Variants in CDC42BPA observed in about 807,000 individuals in gnomAD.
CDC42BPA encodes CDC42 binding protein kinase alpha, also known as serine/threonine-protein kinase MRCK alpha.
A neutral mutation model predicts 223.5 loss-of-function variants in CDC42BPA; 80 were observed. The ratio of observed to expected loss-of-function variants is 0.36; its 90% CI spans 0.30 to 0.43. CDC42BPA has a LOEUF of 0.43. Among genes scored for constraint, CDC42BPA ranks in the 20% least tolerant of loss-of-function variants. The pLI, the probability that CDC42BPA is intolerant of heterozygous loss-of-function variation, is 1.00. For missense variants in CDC42BPA, 1,743 were observed against 2,099.9 expected, an observed-to-expected ratio of 0.83 and a Z score of 3.32; for synonymous variants, 694 against 718.6, an observed-to-expected ratio of 0.97 and a Z score of 0.55.
intron 2 of CDC42BPA, among the ~76,000 whole-genome samples, chr1:227,248,532 A>C (rs1312489974): frequency 6.6e-6 from 1 of 152,244 alleles, no homozygotes; most frequent in African/African-American, 2.4e-5. Context: ...AAATAAAATT[A>C]AATACCTAGG....
chr1:227,075,209 A>G (rs1333455186), intron 17 of CDC42BPA, among the ~76,000 whole-genome samples: 2 of 152,208 alleles, frequency 1.3e-5, no homozygotes, highest in African/African-American at 4.8e-5. Flanking sequence ...TGTATTCTAA[A>G]CACACTTTGG....
At chr1:227,030,347 A>C in intron 29 of CDC42BPA, 61 bp downstream of exon 29, 1 of 944,662 alleles carries the variant, frequency 1.1e-6, no homozygotes, top group Non-Finnish European at 1.6e-6. Context: ...TTTAGAATCT[A>C]CAGTTTAAAT....
At chr1:227,058,601 A>G (rs1675089561) in intron 21 of CDC42BPA, among the ~76,000 whole-genome samples, 1 of 152,056 alleles carries the variant, frequency 6.6e-6, no homozygotes, top group South Asian at 2.1e-4. Context: ...TGTGTTTATG[A>G]CTAGTGTTGG....
chr1:227,051,859 C>G (rs993699782), intron 22 of CDC42BPA, 22 bp downstream of exon 22: 1 of 1,302,672 alleles, frequency 7.7e-7, no homozygotes, highest in South Asian at 1.2e-5. Flanking sequence ...AGTTGGGGAG[C>G]AGGGATGCTC....
chr1:227,001,774 GCACC>G (rs1365459367), intron 35 of CDC42BPA, among the ~76,000 whole-genome samples: 1 of 152,092 alleles, frequency 6.6e-6, no homozygotes, highest in Non-Finnish European at 1.5e-5. Flanking sequence ...GGGTGTGATG[GCACC>G]CACCTGTAGT....
At chr1:227,100,358 T>C (rs566621700) in intron 15 of CDC42BPA, among the ~76,000 whole-genome samples, 6 of 152,302 alleles carry the variant, frequency 3.9e-5, no homozygotes, top group South Asian at 4.1e-4. Flanking sequence ...CTTTCTTCAA[T>C]GGCCTGAGGA....
intron 15 of CDC42BPA, among the ~76,000 whole-genome samples, chr1:227,098,170 A>T (rs1258498421): frequency 6.6e-6 from 1 of 152,154 alleles, no homozygotes; most frequent in Non-Finnish European, 1.5e-5. Flanking sequence ...GCCTGTTATT[A>T]TGCTGTCATT....
At chr1:227,041,734 T>C (rs867063405) in intron 23 of CDC42BPA, among the ~76,000 whole-genome samples, 9 of 152,122 alleles carry the variant, frequency 5.9e-5, no homozygotes, top group Non-Finnish European at 8.8e-5. Context: ...CCTCAAAGCA[T>C]TGTGTTCTAG....
intron 2 of CDC42BPA, among the ~76,000 whole-genome samples, chr1:227,226,232 T>C (rs1048400809): frequency 3.3e-5 from 5 of 152,234 alleles, no homozygotes; most frequent in African/African-American, 7.2e-5. Flanking sequence ...GCTGGATACA[T>C]ATACTTGGAG....
At chr1:227,228,953 T>C (rs1047994360) in intron 2 of CDC42BPA, among the ~76,000 whole-genome samples, 1 of 152,198 alleles carries the variant, frequency 6.6e-6, no homozygotes, top group Non-Finnish European at 1.5e-5. Flanking sequence ...GCAAATATTT[T>C]CTCCCACCCT....
intron 2 of CDC42BPA, among the ~76,000 whole-genome samples, chr1:227,238,200 T>A (rs200281134): frequency 3.4e-5 from 5 of 148,122 alleles, no homozygotes; most frequent in Non-Finnish European, 4.5e-5. Context: ...TTTTTTTTTT[T>A]AATTTTTAAT....
At chr1:227,281,147 G>A (rs1687951822) in intron 1 of CDC42BPA, among the ~76,000 whole-genome samples, 2 of 152,178 alleles carry the variant, frequency 1.3e-5, no homozygotes, top group South Asian at 2.1e-4. Flanking sequence ...TCTAGGCCAA[G>A]CCAAACTGAG....
chr1:227,052,819 T>C (rs1374715346), intron 21 of CDC42BPA, among the ~76,000 whole-genome samples: 1 of 152,120 alleles, frequency 6.6e-6, no homozygotes, highest in Non-Finnish European at 1.5e-5. Flanking sequence ...GTTCTTACTA[T>C]GGCTATATTT....
At chr1:227,104,173 TA>T (rs1453448891) in intron 14 of CDC42BPA, among the ~76,000 whole-genome samples, 1 of 152,002 alleles carries the variant, frequency 6.6e-6, no homozygotes, top group Non-Finnish European at 1.5e-5. Context: ...AACCAAGAAA[TA>T]AAGAGGTACA....
chr1:227,258,941 A>G (rs892138936), intron 1 of CDC42BPA, among the ~76,000 whole-genome samples: 2 of 151,190 alleles, frequency 1.3e-5, no homozygotes, highest in African/African-American at 4.9e-5. Flanking sequence ...GACAAAAATC[A>G]AGGGCATATA....
intron 5 of CDC42BPA, among the ~76,000 whole-genome samples, chr1:227,177,387 T>C (rs1255417452): frequency 3.9e-5 from 6 of 152,168 alleles, no homozygotes; most frequent in South Asian, 2.1e-4. Flanking sequence ...ACTGCATTGA[T>C]AGTTTTCTTC....
intron 2 of CDC42BPA, among the ~76,000 whole-genome samples, chr1:227,215,683 A>C (rs902816588): frequency 6.6e-6 from 1 of 152,188 alleles, no homozygotes; most frequent in Non-Finnish European, 1.5e-5. Flanking sequence ...CACTAAGCAC[A>C]TTACAGCCCA....
chr1:226,995,106 G>GT (rs1661352387), intron 35 of CDC42BPA, 126 bp from the exon 36 acceptor site: 2 of 787,424 alleles, frequency 2.5e-6, no homozygotes, highest in African/African-American at 1.7e-5. Context: ...CTGAAGCGCA[G>GT]TAAGTCCAAC....
At chr1:227,261,114 TTGAG>T (rs1306986059) in intron 1 of CDC42BPA, among the ~76,000 whole-genome samples, 1 of 119,586 alleles carries the variant, frequency 8.4e-6, no homozygotes, top group South Asian at 3.1e-4. Flanking sequence ...AACAGAATAA[TTGAG>T]TTTTTCTTTT....
Sources: gnomAD v4.1 joint callset for allele counts (sites outside exome capture counted in the v4.1 genomes callset) on GRCh38, gnomAD v4.1.1 for gene constraint, MANE v1.5 for transcripts, NCBI Gene and HGNC (gene_info 2026-07-23, HGNC 2026-07-21) for gene names.